The following SP100 variants were observed in gnomAD, a reference collection of about 807,000 sequenced individuals.
SP100 encodes SP100 nuclear body protein.
In SP100, 84 loss-of-function variants were observed where a neutral mutation model predicts 130.0. That is an observed-to-expected ratio of 0.65 (90% CI 0.54 to 0.77). The LOEUF (loss-of-function observed/expected upper bound fraction) is 0.77. Among genes scored for constraint, SP100 ranks in the 30% least tolerant of loss-of-function variants. The probability of loss-of-function intolerance (pLI) is 0.00; values close to 1 mark genes in which losing one functional copy is unlikely to be tolerated. For missense variants in SP100, 978 were observed against 1,052.2 expected (o/e 0.93, Z 0.97); for synonymous variants, 331 against 351.7 (o/e 0.94, Z 0.66).
At chr2:230,495,651 C>T (rs577341333) in intron 18 of SP100, among the ~76,000 whole-genome samples, 17 of 152,312 alleles carry the variant, frequency 1.1e-4, no homozygotes, top group Non-Finnish European at 1.6e-4. Context: ...ATAAAAAAGA[C>T]GTGACAGTCC....
intron 9 of SP100, 81 bp downstream of exon 9, chr2:230,461,495 G>C: frequency 7.0e-7 from 1 of 1,425,444 alleles, no homozygotes; most frequent in Non-Finnish European, 9.8e-7. Flanking sequence ...ACGGACCATC[G>C]GGGCAGTGCA....
intron 24 of SP100, among the ~76,000 whole-genome samples, chr2:230,524,646 A>C (rs965318726): frequency 6.6e-6 from 1 of 152,210 alleles, no homozygotes; most frequent in African/African-American, 2.4e-5. Context: ...AGTGCTATAG[A>C]TAAAGTTTTT....
intron 2 of SP100, among the ~76,000 whole-genome samples, chr2:230,426,072 TATC>T (rs764139197): frequency 1.5e-4 from 23 of 152,158 alleles, no homozygotes; most frequent in Non-Finnish European, 2.5e-4. Flanking sequence ...TTCTTTGCAT[TATC>T]ATGTTATCAG....
intron 2 of SP100, among the ~76,000 whole-genome samples, chr2:230,419,136 G>C (rs1204809279): frequency 2.0e-5 from 3 of 152,014 alleles, no homozygotes; most frequent in Non-Finnish European, 4.4e-5. Context: ...ATAGATATTT[G>C]ATATTTTTAT....
chr2:230,420,696 C>T (rs1009218933), intron 2 of SP100, among the ~76,000 whole-genome samples: 1 of 151,882 alleles, frequency 6.6e-6, no homozygotes, highest in African/African-American at 2.4e-5. Flanking sequence ...TATATTGAAA[C>T]ATTTTATTAA....
chr2:230,506,089 A>G (rs1406798476), intron 21 of SP100, among the ~76,000 whole-genome samples: 13 of 152,080 alleles, frequency 8.5e-5, no homozygotes, highest in Non-Finnish European at 8.8e-5. Context: ...TTCTCATTGC[A>G]TGATGGTCAA....
At position 230,506,368 on chromosome 2, in the gene SP100, G is replaced by C; in HGVS notation, c.1936G>C (p.Glu646Gln). 6.2e-7 allele frequency: 1 copy of C among 1,613,988 alleles called. No homozygotes were observed. Among genetic ancestry groups the C allele is most frequent in the African/African-American group, 1.3e-5 (1 of 75,040 alleles). ...KWFTPREFEI[E>Q]GDRGASKNWK... Reference sequence around the variant, plus strand: ...GTTCACTCCCAGGGAATTTGAAATTGAAGGAGACCGCGGAGCATCCAAGAA... The same window carrying C: ...GTTCACTCCCAGGGAATTTGAAATTCAAGGAGACCGCGGAGCATCCAAGAA... Residue 646 changes from glutamate (E) to glutamine (Q), a missense_variant, in exon 22 of 29, where the codon GAA (glutamate) becomes CAA (glutamine). By Grantham distance (29) the Glu-to-Gln change is conservative (BLOSUM62 2). Coordinates refer to ENST00000340126, the MANE Select transcript of SP100 (RefSeq NM_001080391.2).
intron 8 of SP100, among the ~76,000 whole-genome samples, chr2:230,451,689 G>T (rs1022678232): frequency 6.6e-6 from 1 of 152,164 alleles, no homozygotes; most frequent in South Asian, 2.1e-4. Context: ...TGTGCTTCTG[G>T]TGTTATACCC....
rs1489742868 is a variant in SP100 at position 230,515,018 on chromosome 2, T to C, written c.2094+3852T>C. 13 of 1,579,410 alleles carry C rather than the reference T, an allele frequency of 8.2e-6. No homozygotes were observed. The East Asian group carries it at 2.9e-4, about 35-fold the overall frequency. On this transcript the variant is annotated intron_variant, in intron 24 of 28. Transcript: ENST00000340126. Reference sequence around the variant, plus strand: ...CTGTACCTTGCTGAGGAAAAATAACTAAACATGGACAAAGCAGATCCTAAG... The same window carrying C: ...CTGTACCTTGCTGAGGAAAAATAACCAAACATGGACAAAGCAGATCCTAAG...
At chr2:230,461,071 G>A (rs2064587266) in intron 8 of SP100, among the ~76,000 whole-genome samples, 191 bp from the exon 9 acceptor site, 2 of 151,950 alleles carry the variant, frequency 1.3e-5, no homozygotes, top group South Asian at 4.1e-4. Context: ...AGTAGGTAAA[G>A]GGAAAGGTAA....
intron 24 of SP100, among the ~76,000 whole-genome samples, chr2:230,512,219 C>G (rs1244875247): frequency 7.0e-6 from 1 of 142,436 alleles, no homozygotes; most frequent in Non-Finnish European, 1.5e-5. Context: ...AGGAGTGACT[C>G]AATAAAACAC....
At chr2:230,466,499 G>A in intron 12 of SP100, 145 bp downstream of exon 12, 1 of 592,218 alleles carries the variant, frequency 1.7e-6, no homozygotes, top group Non-Finnish European at 3.0e-6. Flanking sequence ...AATTTCAATG[G>A]TTCCTATTTT....
intron 24 of SP100, among the ~76,000 whole-genome samples, chr2:230,521,664 T>G (rs1468903451): frequency 2.0e-5 from 3 of 152,080 alleles, no homozygotes; most frequent in Non-Finnish European, 4.4e-5. Flanking sequence ...TAGATCAGGG[T>G]GTTTCAACAA....
At chr2:230,424,038 G>T (rs982007058) in intron 2 of SP100, among the ~76,000 whole-genome samples, 7 of 152,086 alleles carry the variant, frequency 4.6e-5, no homozygotes, top group Admixed American at 3.3e-4. Context: ...GAGCAGGGAG[G>T]ATCAACACTA....
At chr2:230,462,304 A>G (rs1002093544) in intron 9 of SP100, 131 bp from the exon 10 acceptor site, 3 of 630,390 alleles carry the variant, frequency 4.8e-6, no homozygotes, top group Non-Finnish European at 8.4e-6. Context: ...CATGCATTCA[A>G]GGAACACCCC....
rs922089862 is a variant in SP100 at position 230,534,222 on chromosome 2, A to G, written c.2095-5045A>G. Reference sequence around the variant, plus strand: ...GGAGATTGAGACCATCCTGGCTAACATGGTGAAACTCCATCTCTACTGAAA... The same window carrying G: ...GGAGATTGAGACCATCCTGGCTAACGTGGTGAAACTCCATCTCTACTGAAA... On this transcript the variant is annotated intron_variant, in intron 24 of 28. Coordinates refer to ENST00000340126, the MANE Select transcript of SP100 (RefSeq NM_001080391.2). 7.2e-5 allele frequency among the ~76,000 whole-genome samples: 11 copies of G among 152,304 alleles called. No individual in the cohort carries two copies. In the East Asian group the frequency reaches 2.1e-3, roughly 29 times the overall value.
intron 19 of SP100, among the ~76,000 whole-genome samples, chr2:230,499,760 A>T (rs7565733): frequency 0.013 from 2,013 of 151,670 alleles, 36 homozygotes; most frequent in African/African-American, 0.045. Flanking sequence ...CATGACCTTC[A>T]CCTTTACACT....
chr2:230,435,988 G>A (rs1363809237), intron 2 of SP100, among the ~76,000 whole-genome samples: 1 of 152,166 alleles, frequency 6.6e-6, no homozygotes, highest in Non-Finnish European at 1.5e-5. Flanking sequence ...ATTATCCTTA[G>A]CAAACTAATG....
intron 20 of SP100, 101 bp downstream of exon 20, chr2:230,503,211 C>A: frequency 2.5e-6 from 2 of 797,286 alleles, no homozygotes; most frequent in Non-Finnish European, 2.0e-6. Context: ...GCATATGGAG[C>A]TAGTACTGGA....
Sources: allele counts gnomAD v4.1 joint callset (sites outside exome capture counted in the v4.1 genomes callset), GRCh38; gene constraint gnomAD v4.1.1; transcripts MANE v1.5; gene names NCBI Gene and HGNC (gene_info 2026-07-23, HGNC 2026-07-21).